Variants in ANXA10 observed in about 807,000 individuals in gnomAD.
ANXA10 encodes the protein annexin 14.
ANXA10 carries 49 observed loss-of-function variants against 53.5 expected under a neutral mutation model. The ratio of observed to expected loss-of-function variants is 0.92; its 90% CI spans 0.73 to 1.16. The LOEUF is 1.16. Ranked by LOEUF, ANXA10 falls within the 50% of genes most tolerant of loss-of-function variation. ANXA10 has a pLI of 0.00. For synonymous variants in ANXA10, 131 were observed against 128.9 expected (o/e 1.02, Z -0.11); for missense variants, 393 against 394.4 (o/e 1.00, Z 0.03).
rs1269890917 is a variant in ANXA10, at chr4:168,105,039, T to A, written c.18+12321T>A. Among the ~76,000 whole-genome samples the A allele has an allele frequency of 3.9e-5, 6 of 152,060 alleles. No homozygotes were observed. In the East Asian group the frequency reaches 1.2e-3, roughly 29 times the overall value. On this transcript the variant is annotated intron_variant, in intron 1 of 11. Transcript: ENST00000359299. ...GATAAATGTAGATGAGTGAATTTGT[T>A]TCTTCTCTTGTTTTGATCAGCAAAG...
At chr4:168,135,444 A>T (rs1456338156) in intron 2 of ANXA10, among the ~76,000 whole-genome samples, 5 of 152,206 alleles carry the variant, frequency 3.3e-5, no homozygotes, top group African/African-American at 1.2e-4. Context: ...TTAAAATTGC[A>T]TGTTTTCTAA....
chr4:168,162,634 C>G lies in ANXA10; in HGVS notation c.302C>G (p.Ala101Gly). The G allele has an allele frequency of 6.2e-7, 1 of 1,613,462 alleles. No individual in the cohort carries two copies. The highest frequency in any genetic ancestry group is 8.5e-7 in the Non-Finnish European group (1 of 1,179,544). ...PLYDAHELWH[A>G]MKGVGTDENC... is the part of the protein sequence containing the mutation. ...TATGATGCTCATGAGCTCTGGCATGCCATGAAGGTAGTGATCTGATCCAAA... is the reference window on the plus strand; with the variant it reads ...TATGATGCTCATGAGCTCTGGCATGGCATGAAGGTAGTGATCTGATCCAAA... Residue 101 changes from alanine to glycine, a missense_variant, in exon 4 of 12, where the codon GCC (alanine) becomes GGC (glycine). Ala to Gly is a moderately conservative substitution (Grantham distance 60). Coordinates refer to ENST00000359299, the MANE Select transcript of ANXA10 (RefSeq NM_007193.5).
At chr4:168,093,277 T>C (rs1238648640) in intron 1 of ANXA10, among the ~76,000 whole-genome samples, 1 of 150,558 alleles carries the variant, frequency 6.6e-6, no homozygotes, top group Admixed American at 6.6e-5. Context: ...AAAGATAGCT[T>C]ATTTTTGAAT....
In ANXA10 at chr4:168,092,585, G is replaced by T; in HGVS notation, c.-116G>T. 1 of 1,047,296 alleles carries T rather than the reference G, an allele frequency of 9.5e-7. No homozygotes were observed. Among genetic ancestry groups the T allele is most frequent in the South Asian group, 1.5e-5 (1 of 68,692 alleles). 64.9% of individuals were successfully genotyped at this position (1,047,296 alleles called of 1,614,324 possible). On this transcript the variant is annotated 5_prime_UTR_variant, in exon 1 of 12. Coordinates refer to ENST00000359299, the MANE Select transcript of ANXA10 (RefSeq NM_007193.5). ...CTTGCCTGAGTCTGAGGTGAACAGT[G>T]AACATATTTACATTTGATTTAACAG...
intron 1 of ANXA10, among the ~76,000 whole-genome samples, chr4:168,115,764 C>A (rs1241892446): frequency 6.6e-6 from 1 of 152,114 alleles, no homozygotes; most frequent in Non-Finnish European, 1.5e-5. Flanking sequence ...TGAGTCAATA[C>A]CTGTGTGGCT....
intron 1 of ANXA10, among the ~76,000 whole-genome samples, chr4:168,123,518 A>T (rs989968042): frequency 6.6e-6 from 1 of 152,184 alleles, no homozygotes; most frequent in Non-Finnish European, 1.5e-5. Flanking sequence ...ACCAGCCATC[A>T]CTTGGGGGAT....
chr4:168,146,389 C>T (rs1052978544), intron 3 of ANXA10, among the ~76,000 whole-genome samples: 21 of 152,172 alleles, frequency 1.4e-4, no homozygotes, highest in African/African-American at 3.6e-4. Flanking sequence ...CTACAGAACT[C>T]TATGAGGTAA....
At chr4:168,131,506 A>C (rs1731156437) in intron 2 of ANXA10, among the ~76,000 whole-genome samples, 1 of 152,010 alleles carries the variant, frequency 6.6e-6, no homozygotes, top group African/African-American at 2.4e-5. Context: ...GGTGCTGTTC[A>C]TTTCAATGAT....
chr4:168,123,283 C>CAA (rs3065109), intron 1 of ANXA10, among the ~76,000 whole-genome samples: 79,143 of 151,296 alleles, frequency 0.52, 21,549 homozygotes, highest in Non-Finnish European at 0.61. Context: ...AATGGAAAAA[C>CAA]AAAAAAAACC....
chr4:168,106,564 G>A (rs567603089), intron 1 of ANXA10, among the ~76,000 whole-genome samples: 9 of 152,204 alleles, frequency 5.9e-5, no homozygotes, highest in African/African-American at 2.2e-4. Context: ...CATAGTAACT[G>A]AAACTTGCAA....
intron 1 of ANXA10, among the ~76,000 whole-genome samples, chr4:168,097,105 T>A (rs1396842035): frequency 6.6e-6 from 1 of 151,816 alleles, no homozygotes; most frequent in Non-Finnish European, 1.5e-5. Context: ...TGCAAAAAAA[T>A]TTCATAAACC....
chr4:168,117,164 G>C (rs1730907770), intron 1 of ANXA10, among the ~76,000 whole-genome samples: 1 of 152,108 alleles, frequency 6.6e-6, no homozygotes, highest in East Asian at 1.9e-4. Context: ...GATCACTTGA[G>C]CCTGGTTGGT....
chr4:168,128,267 C>G, intron 2 of ANXA10, 102 bp downstream of exon 2: 8 of 568,452 alleles, frequency 1.4e-5, no homozygotes, highest in Non-Finnish European at 2.1e-5. Context: ...TCTTACAAAA[C>G]ACAGATACAG....
chr4:168,162,593 G>A lies in ANXA10; in HGVS notation c.261G>A (p.Met87Ile), dbSNP rs773715316. Residue 87 changes from methionine to isoleucine, a missense_variant, in exon 4 of 12, where the codon ATG (methionine) becomes ATA (isoleucine). Coordinates refer to ENST00000359299, the MANE Select transcript of ANXA10 (RefSeq NM_007193.5). Reference sequence around the variant, plus strand: ...TCAAAGATGTGATGGCTGGCCTCATGTACCCACCACCACTGTATGATGCTC... The same window carrying A: ...TCAAAGATGTGATGGCTGGCCTCATATACCCACCACCACTGTATGATGCTC... ...DHFKDVMAGL[M>I]YPPPLYDAHE... 3.7e-6 allele frequency: 6 copies of A among 1,613,948 alleles called. No individual in the cohort carries two copies. Among genetic ancestry groups the A allele is most frequent in the South Asian group, 2.2e-5 (2 of 91,084 alleles).
chr4:168,169,515 G>T (rs72987486), intron 6 of ANXA10, among the ~76,000 whole-genome samples: 3,055 of 152,222 alleles, frequency 0.02, 83 homozygotes, highest in African/African-American at 0.069. Flanking sequence ...CCTCCCATAG[G>T]TGTTGATCCC....
In ANXA10 at chr4:168,179,255, G is replaced by T. The variant is rs769204340; in HGVS notation, c.667G>T (p.Val223Leu). The T allele has an allele frequency of 6.2e-7, 1 of 1,611,808 alleles. No homozygotes were observed. Among genetic ancestry groups the T allele is most frequent in the African/African-American group, 1.3e-5 (1 of 74,976 alleles). The change falls in exon 9 of 12, where the codon GTA becomes TTA. Residue 223 changes from valine to leucine, a missense_variant. Coordinates refer to ENST00000359299, the MANE Select transcript of ANXA10 (RefSeq NM_007193.5). ...EFQNISGQDM[V>L]DAINECYDGY... is the part of the protein sequence containing the mutation. ...TCAAAATATTTCTGGGCAAGATATG[G>T]TAGATGCCATTAATGAATGTTATGA... is the stretch of plus-strand genomic sequence containing the variant.
intron 6 of ANXA10, among the ~76,000 whole-genome samples, chr4:168,167,599 A>G (rs1000207753): frequency 2.2e-4 from 34 of 152,200 alleles, no homozygotes; most frequent in African/African-American, 8.0e-4. Context: ...TATTTTGTTT[A>G]TAGCACACGT....
chr4:168,172,677 T>C lies in ANXA10; in HGVS notation c.481-5063T>C, dbSNP rs139764215. ...GAGAATATGGACAATTAAACATAAA[T>C]TTAATAAATAGGTGGATTATATAAA... On this transcript the variant is annotated intron_variant, in intron 6 of 11. Transcript: ENST00000359299. Among the ~76,000 whole-genome samples the C allele has an allele frequency of 3.2e-3, 480 of 152,224 alleles. 1 individual carries two copies. Among genetic ancestry groups the C allele is most frequent in the Non-Finnish European group, 4.9e-3 (331 of 68,018 alleles).
chr4:168,168,661 C>T (rs1357697267), intron 6 of ANXA10, among the ~76,000 whole-genome samples: 3 of 152,080 alleles, frequency 2.0e-5, no homozygotes, highest in Non-Finnish European at 2.9e-5. Context: ...CCTCTTGATC[C>T]GCCCGCCTCG....
Sources: allele counts gnomAD v4.1 joint callset (sites outside exome capture counted in the v4.1 genomes callset), GRCh38; gene constraint gnomAD v4.1.1; transcripts MANE v1.5; gene names NCBI Gene and HGNC (gene_info 2026-07-23, HGNC 2026-07-21).